AFF2: variants seen among roughly 807,000 people sequenced by gnomAD.
The protein encoded by AFF2 is AF4/FMR2 family member 2.
AFF2 carries 14 observed loss-of-function variants against 76.9 expected under a neutral mutation model. The ratio of observed to expected loss-of-function variants is 0.18; its 90% CI spans 0.12 to 0.28. The LOEUF is 0.28. Ranked by LOEUF, AFF2 falls within the 10% of genes least tolerant of loss-of-function variation. The probability of loss-of-function intolerance (pLI) is 1.00; values close to 1 mark genes in which losing one functional copy is unlikely to be tolerated. For missense variants in AFF2, 868 were observed against 1,001.1 expected (o/e 0.87, Z 1.79); for synonymous variants, 398 against 366.7 (o/e 1.09, Z -0.98).
At chrX:148,678,830 A>G (rs781808605) in intron 3 of AFF2, among the ~76,000 whole-genome samples, 1 of 112,127 alleles carries the variant, frequency 8.9e-6, no homozygotes, top group African/African-American at 3.2e-5. Flanking sequence ...AAAAGAAAGG[A>G]AATTGTAGCT....
intron 9 of AFF2, among the ~76,000 whole-genome samples, chrX:148,947,957 T>A (rs1486656076): frequency 4.4e-5 from 5 of 112,368 alleles, no homozygotes; most frequent in African/African-American, 1.6e-4. Context: ...TCTTGCTCCA[T>A]GTCTTTGGCA....
chrX:148,884,530 T>C (rs2071134767), intron 7 of AFF2, among the ~76,000 whole-genome samples: 2 of 112,853 alleles, frequency 1.8e-5, no homozygotes, highest in Non-Finnish European at 3.7e-5. Context: ...ATTACAGAGA[T>C]GGAAATTTTA....
At chrX:148,713,798 A>G (rs2054996714) in intron 3 of AFF2, among the ~76,000 whole-genome samples, 1 of 111,455 alleles carries the variant, frequency 9.0e-6, no homozygotes, top group African/African-American at 3.3e-5. Flanking sequence ...CTCCTCAGAA[A>G]TGCACGAAGG....
At chrX:148,596,038 T>A (rs1557247274) in intron 1 of AFF2, among the ~76,000 whole-genome samples, 2 of 111,768 alleles carry the variant, frequency 1.8e-5, no homozygotes. Context: ...AGTTGACTCT[T>A]GAAATCATCA....
In AFF2 at chrX:148,575,886, A is replaced by G. The variant is rs1472841639; in HGVS notation, c.47+74742A>G. On this transcript the variant is annotated intron_variant, in intron 1 of 20. Coordinates refer to ENST00000370460, the MANE Select transcript of AFF2 (RefSeq NM_002025.4). ...AATATTATATATATAATAAATACAA[A>G]TAATAACATTTCTGACTCCTCAAGG... is the stretch of plus-strand genomic sequence containing the variant. Among the ~76,000 whole-genome samples, 7 of 109,619 alleles carry G rather than the reference A, an allele frequency of 6.4e-5. No individual in the cohort carries two copies. In the East Asian group the frequency reaches 2.0e-3, roughly 31 times the overall value.
At chrX:148,622,978 G>A (rs1557251455) in intron 1 of AFF2, among the ~76,000 whole-genome samples, 1 of 112,067 alleles carries the variant, frequency 8.9e-6, no homozygotes, top group East Asian at 2.8e-4. Context: ...TCCTGGCAAG[G>A]AGGCTGATGA....
chrX:148,521,255 C>T (rs782471407), intron 1 of AFF2, among the ~76,000 whole-genome samples: 5 of 110,496 alleles, frequency 4.5e-5, no homozygotes, highest in Non-Finnish European at 7.6e-5. Context: ...AGAGGACTGG[C>T]CAATTACAAA....
chrX:148,984,562 T>G (rs2072440463), intron 19 of AFF2, among the ~76,000 whole-genome samples: 1 of 111,704 alleles, frequency 9.0e-6, no homozygotes, highest in South Asian at 3.8e-4. Flanking sequence ...CAAGGTAGTG[T>G]GCAGACATGT....
At chrX:148,632,971 G>T (rs918630008) in intron 1 of AFF2, among the ~76,000 whole-genome samples, 2 of 111,674 alleles carry the variant, frequency 1.8e-5, no homozygotes, top group Non-Finnish European at 3.8e-5. Flanking sequence ...ACCTGAGATT[G>T]ATCTATTCGA....
chrX:148,838,421 A>C (rs144839205), intron 5 of AFF2, among the ~76,000 whole-genome samples: 14 of 112,122 alleles, frequency 1.2e-4, no homozygotes, highest in African/African-American at 4.2e-4. Context: ...AACCGTCTAC[A>C]TGCTATCACA....
intron 8 of AFF2, among the ~76,000 whole-genome samples, chrX:148,898,380 A>C (rs1266856280): frequency 1.8e-5 from 2 of 112,416 alleles, no homozygotes; most frequent in Non-Finnish European, 3.8e-5. Context: ...CCTTAGGAGG[A>C]TTCATCTTGA....
chrX:148,922,696 A>G (rs2071609110), intron 9 of AFF2, among the ~76,000 whole-genome samples: 1 of 112,000 alleles, frequency 8.9e-6, no homozygotes, highest in South Asian at 3.7e-4. Context: ...GGATTTAGAT[A>G]CATCAGTGCT....
chrX:148,785,821 T>C (rs1353995342), intron 3 of AFF2, among the ~76,000 whole-genome samples: 5 of 112,025 alleles, frequency 4.5e-5, no homozygotes, highest in African/African-American at 1.6e-4. Context: ...CAAATCAGTC[T>C]GTGACTAAAA....
intron 3 of AFF2, among the ~76,000 whole-genome samples, chrX:148,800,169 A>G (rs1557270816): frequency 8.9e-6 from 1 of 112,134 alleles, no homozygotes; most frequent in East Asian, 2.8e-4. Context: ...TCCCATGCAC[A>G]TGGCTTGTTC....
chrX:148,557,613 C>T (rs1290068447), intron 1 of AFF2, among the ~76,000 whole-genome samples: 2 of 112,010 alleles, frequency 1.8e-5, no homozygotes, highest in East Asian at 5.6e-4. Flanking sequence ...AAGGAGAGTG[C>T]TGAACTCTTG....
intron 1 of AFF2, among the ~76,000 whole-genome samples, chrX:148,633,208 A>T (rs1226789858): frequency 9.0e-6 from 1 of 111,674 alleles, no homozygotes; most frequent in East Asian, 2.8e-4. Flanking sequence ...AGGGCAAGGG[A>T]CTCAACACAG....
intron 7 of AFF2, among the ~76,000 whole-genome samples, chrX:148,868,000 G>A (rs2070928302): frequency 9.0e-6 from 1 of 111,627 alleles, no homozygotes; most frequent in African/African-American, 3.3e-5. Context: ...CTAAAGCCTA[G>A]GCTCCTCTCA....
chrX:148,807,667 G>C (rs1232942008), intron 3 of AFF2, among the ~76,000 whole-genome samples: 2 of 112,196 alleles, frequency 1.8e-5, no homozygotes, highest in Non-Finnish European at 3.8e-5. Flanking sequence ...CATGAGACTG[G>C]GCCATACATT....
chrX:148,857,363 G>A (rs1289257666), intron 7 of AFF2, among the ~76,000 whole-genome samples: 3 of 111,389 alleles, frequency 2.7e-5, no homozygotes, highest in Non-Finnish European at 5.7e-5. Flanking sequence ...TTCTTCCCTT[G>A]CTAAAATGTA....
Sources: allele counts gnomAD v4.1 joint callset (sites outside exome capture counted in the v4.1 genomes callset), GRCh38; gene constraint gnomAD v4.1.1; transcripts MANE v1.5; gene names NCBI Gene and HGNC (gene_info 2026-07-23, HGNC 2026-07-21).